The following HAPLN1 variants were observed in gnomAD, a reference collection of about 807,000 sequenced individuals.
HAPLN1 encodes Cartilage link protein.
In HAPLN1, 13 loss-of-function variants were observed where a neutral mutation model predicts 36.5. The observed-to-expected ratio is 0.36, with a 90% CI of 0.23 to 0.57. The LOEUF (loss-of-function observed/expected upper bound fraction) is 0.57. Ranked by LOEUF, HAPLN1 falls within the 20% of genes least tolerant of loss-of-function variation. HAPLN1 has a pLI of 0.83. For missense variants in HAPLN1, 407 were observed against 439.7 expected (o/e 0.93, Z 0.66); for synonymous variants, 202 against 169.8 (o/e 1.19, Z -1.48).
chr5:83,706,185 A>G lies in HAPLN1; in HGVS notation c.-27+14604T>C, dbSNP rs759008096. Among the ~76,000 whole-genome samples the G allele has an allele frequency of 9.3e-4, 141 of 151,974 alleles. 1 individual carries two copies. Among genetic ancestry groups the G allele is most frequent in the Middle Eastern group, 3.4e-3 (1 of 294 alleles). On this transcript the variant is annotated intron_variant, in intron 1 of 4. Coordinates refer to ENST00000274341, the MANE Select transcript of HAPLN1 (RefSeq NM_001884.4). ...AGTTGTACAAGAAAGAGCTTGTACC[A>G]TTCCAAAAAATCAAGAAGGAGGGAC...
intron 3 of HAPLN1, among the ~76,000 whole-genome samples, chr5:83,644,970 C>T (rs1255053696): frequency 6.6e-6 from 1 of 152,130 alleles, no homozygotes; most frequent in Admixed American, 6.5e-5. Flanking sequence ...TTCCAAATAG[C>T]CCTCCCCAGG....
At chr5:83,718,429 C>G (rs1419167080) in intron 1 of HAPLN1, among the ~76,000 whole-genome samples, 1 of 152,264 alleles carries the variant, frequency 6.6e-6, no homozygotes, top group African/African-American at 2.4e-5. Context: ...ACACAGTTAA[C>G]CACCACAGAC....
At chr5:83,696,497 A>G (rs1751390961) in intron 1 of HAPLN1, among the ~76,000 whole-genome samples, 3 of 152,158 alleles carry the variant, frequency 2.0e-5, no homozygotes, top group African/African-American at 7.2e-5. Context: ...AAGCACAAAG[A>G]GTTGTGCTAC....
chr5:83,648,102 T>C (rs928910846), intron 3 of HAPLN1, among the ~76,000 whole-genome samples: 28 of 152,064 alleles, frequency 1.8e-4, no homozygotes, highest in Non-Finnish European at 2.9e-5. Context: ...TCTTCCTAAA[T>C]TCCTAGTGAC....
At chr5:83,642,451 A>G (rs1561297726) in intron 4 of HAPLN1, among the ~76,000 whole-genome samples, 1 of 152,154 alleles carries the variant, frequency 6.6e-6, no homozygotes. Flanking sequence ...CTGACACCTA[A>G]CTATTTCTCA....
In HAPLN1 at chr5:83,641,384, G is replaced by T; in HGVS notation, c.*112C>A. Reference sequence around the variant, plus strand: ...TTATGAAAATGACTCTTTACAGTAAGTAAAAAAGGGTTATCACAGTTTTGG... The same window carrying T: ...TTATGAAAATGACTCTTTACAGTAATTAAAAAAGGGTTATCACAGTTTTGG... On this transcript the variant is annotated 3_prime_UTR_variant, in exon 5 of 5. Coordinates refer to ENST00000274341, the MANE Select transcript of HAPLN1 (RefSeq NM_001884.4). The T allele has an allele frequency of 4.3e-6, 4 of 939,940 alleles. No individual in the cohort carries two copies. Among genetic ancestry groups the T allele is most frequent in the Non-Finnish European group, 6.3e-6 (4 of 636,614 alleles). The allele number at this position is 939,940 out of a possible 1,614,324, so 58.2% of individuals were successfully genotyped here.
intron 1 of HAPLN1, among the ~76,000 whole-genome samples, chr5:83,689,036 T>C (rs1366451421): frequency 1.3e-5 from 2 of 152,184 alleles, no homozygotes; most frequent in Non-Finnish European, 2.9e-5. Flanking sequence ...CAAAATTCCA[T>C]TTAGAATGAA....
At chr5:83,682,884 A>G (rs1241243382) in intron 1 of HAPLN1, among the ~76,000 whole-genome samples, 1 of 151,976 alleles carries the variant, frequency 6.6e-6, no homozygotes, top group Non-Finnish European at 1.5e-5. Context: ...AAACTAAATA[A>G]TTCTCATTTA....
chr5:83,642,428 A>G (rs1322766126), intron 4 of HAPLN1, among the ~76,000 whole-genome samples: 5 of 152,172 alleles, frequency 3.3e-5, no homozygotes, highest in Non-Finnish European at 7.4e-5. Context: ...TTCAACTTCC[A>G]TTTGTTGAAA....
At chr5:83,647,956 A>G (rs955386799) in intron 3 of HAPLN1, among the ~76,000 whole-genome samples, 49 of 152,146 alleles carry the variant, frequency 3.2e-4, no homozygotes, top group Non-Finnish European at 6.2e-4. Flanking sequence ...AATTTTGTAT[A>G]TTTAGCCCCA....
At chr5:83,712,035 A>G (rs1203350204) in intron 1 of HAPLN1, among the ~76,000 whole-genome samples, 2 of 152,344 alleles carry the variant, frequency 1.3e-5, no homozygotes, top group Non-Finnish European at 2.9e-5. Flanking sequence ...AAATATTTGC[A>G]TTACATACTT....
intron 3 of HAPLN1, among the ~76,000 whole-genome samples, chr5:83,648,925 T>C (rs1749966844): frequency 6.6e-6 from 1 of 152,244 alleles, no homozygotes; most frequent in Non-Finnish European, 1.5e-5. Flanking sequence ...CCAGAATACA[T>C]GGAGAGTGTC....
At chr5:83,654,754 A>G (rs1056908259) in intron 2 of HAPLN1, among the ~76,000 whole-genome samples, 3 of 152,230 alleles carry the variant, frequency 2.0e-5, no homozygotes, top group Non-Finnish European at 4.4e-5. Context: ...GCACTGGCAT[A>G]GAGGATATCA....
Position 83,641,552 on chromosome 5 carries a change from A to T in HAPLN1, c.1009T>A (p.Phe337Ile), listed in dbSNP as rs769482599. 1 of 1,614,064 alleles carries T rather than the reference A, an allele frequency of 6.2e-7. No homozygotes were observed. Among genetic ancestry groups the T allele is most frequent in the Non-Finnish European group, 8.5e-7 (1 of 1,179,938 alleles). ...TACAGCTTATGCTTTTTATCTGGGA[A>T]ACCCACGAAGCGCACTGCAGCCTCA... is the stretch of plus-strand genomic sequence containing the variant. ...PTEAAVRFVG[F>I]PDKKHKLYGV... is the part of the protein sequence containing the mutation. The change falls in exon 5 of 5, where the codon TTC (phenylalanine) becomes ATC (isoleucine). Residue 337 changes from phenylalanine (F) to isoleucine (I), a missense_variant. Coordinates refer to ENST00000274341, the MANE Select transcript of HAPLN1 (RefSeq NM_001884.4).
intron 2 of HAPLN1, among the ~76,000 whole-genome samples, chr5:83,664,971 TTGTTAATGACTG>T (rs1718706749): frequency 6.6e-6 from 1 of 152,190 alleles, no homozygotes; most frequent in African/African-American, 2.4e-5. Flanking sequence ...TTAAGACCCT[TTGTTAATGACTG>T]TGATAAAAGA....
chr5:83,648,437 A>ATATATATG (rs1334389654), intron 3 of HAPLN1, among the ~76,000 whole-genome samples: 1 of 128,080 alleles, frequency 7.8e-6, no homozygotes, highest in East Asian at 2.4e-4. Flanking sequence ...ATATATATAT[A>ATATATATG]TGGTTTGAAT....
intron 1 of HAPLN1, among the ~76,000 whole-genome samples, chr5:83,693,924 AC>A: frequency 6.6e-6 from 1 of 151,838 alleles, no homozygotes; most frequent in East Asian, 1.9e-4. Context: ...TATATAGAAG[AC>A]TTGAATACTG....
intron 1 of HAPLN1, among the ~76,000 whole-genome samples, chr5:83,694,787 A>C (rs1318329324): frequency 6.6e-6 from 1 of 152,104 alleles, no homozygotes; most frequent in Admixed American, 6.6e-5. Context: ...CAAAAAAATA[A>C]ACAAAACCAA....
At position 83,641,769 on chromosome 5, in the gene HAPLN1, C is replaced by T. The variant is rs1338304966; in HGVS notation, c.792G>A (p.Leu264=). Residue 264 remains leucine, a synonymous_variant, in exon 5 of 5, where the codon CTG becomes CTA. Coordinates refer to ENST00000274341, the MANE Select transcript of HAPLN1 (RefSeq NM_001884.4). ...CATAGGTCAGTTTGGTGGGGTGGAT[C>T]AGATAGTAAAAACGGCCTGTAGAGA... ...TSNFNGRFYY[L]IHPTKLTYDE... 5.0e-6 allele frequency: 8 copies of T among 1,613,586 alleles called. No homozygotes were observed. The highest frequency in any genetic ancestry group is 6.8e-6 in the Non-Finnish European group (8 of 1,179,674).
Sources: allele counts gnomAD v4.1 joint callset (sites outside exome capture counted in the v4.1 genomes callset), GRCh38; gene constraint gnomAD v4.1.1; transcripts MANE v1.5; gene names NCBI Gene and HGNC (gene_info 2026-07-23, HGNC 2026-07-21).